The following TUFT1 variants were observed in gnomAD, a reference collection of about 807,000 sequenced individuals.
TUFT1 encodes the protein tuftelin 1.
In TUFT1, 43 loss-of-function variants were observed where a neutral mutation model predicts 57.8. The ratio of observed to expected loss-of-function variants is 0.74; its 90% confidence interval spans 0.58 to 0.96. The LOEUF (loss-of-function observed/expected upper bound fraction) is 0.96, where lower values mean the gene tolerates loss of function less well. Ranked by LOEUF, TUFT1 falls within the 40% of genes least tolerant of loss-of-function variation. The probability of loss-of-function intolerance (pLI) is 0.00; values close to 1 mark genes in which losing one functional copy is unlikely to be tolerated. For synonymous variants in TUFT1, 166 were observed against 176.7 expected, an observed-to-expected ratio of 0.94 and a Z score of 0.48; for missense variants, 459 against 489.0, an observed-to-expected ratio of 0.94 and a Z score of 0.58.
chr1:151,545,986 A>T (rs1665323331), intron 1 of TUFT1: 2 of 286,596 alleles, frequency 7.0e-6, no homozygotes, highest in Non-Finnish European at 7.5e-6. Context: ...CTTTCTTTCG[A>T]ATATTTGCAT....
chr1:151,546,244 T>G (rs1320784760), intron 1 of TUFT1, among the ~76,000 whole-genome samples: 1 of 152,168 alleles, frequency 6.6e-6, no homozygotes, highest in Non-Finnish European at 1.5e-5. Flanking sequence ...GACATTCCTT[T>G]AGGACCTCAG....
At chr1:151,581,173 C>A in intron 12 of TUFT1, 131 bp downstream of exon 12, 2 of 834,740 alleles carry the variant, frequency 2.4e-6, no homozygotes, top group Non-Finnish European at 3.7e-6. Context: ...TCAGTCTGAC[C>A]CACTGTTTGC....
chr1:151,569,194 C>G (rs1666172261), intron 6 of TUFT1, among the ~76,000 whole-genome samples: 2 of 152,116 alleles, frequency 1.3e-5, no homozygotes, highest in Admixed American at 1.3e-4. Flanking sequence ...GTGCCAAAAG[C>G]TGAGAATGGT....
intron 6 of TUFT1, 92 bp from the exon 7 acceptor site, chr1:151,569,565 G>C: frequency 1.9e-6 from 2 of 1,033,298 alleles, no homozygotes; most frequent in Non-Finnish European, 3.0e-6. Context: ...GGACGAGATG[G>C]TCCAAACCAG....
intron 7 of TUFT1, among the ~76,000 whole-genome samples, chr1:151,571,543 G>A (rs1666251745): frequency 6.6e-6 from 1 of 152,164 alleles, no homozygotes; most frequent in Non-Finnish European, 1.5e-5. Context: ...GCTGTGTGGT[G>A]AAGAGGTATG....
At chr1:151,552,521 T>C (rs1665543023) in intron 1 of TUFT1, among the ~76,000 whole-genome samples, 1 of 151,988 alleles carries the variant, frequency 6.6e-6, no homozygotes, top group African/African-American at 2.4e-5. Flanking sequence ...CTGCCCAACA[T>C]GGTGAAACCC....
At chr1:151,574,173 C>T (rs913545820) in intron 7 of TUFT1, 97 bp from the exon 8 acceptor site, 1 of 1,496,098 alleles carries the variant, frequency 6.7e-7, no homozygotes, top group African/African-American at 1.4e-5. Flanking sequence ...CGTCATGGCT[C>T]CAGAGCCGCC....
chr1:151,553,831 C>G (rs1405389423), intron 1 of TUFT1, among the ~76,000 whole-genome samples: 1 of 151,652 alleles, frequency 6.6e-6, no homozygotes, highest in African/African-American at 2.4e-5. Flanking sequence ...TTTTTTTTAT[C>G]CATTTCATGT....
chr1:151,568,999 G>A (rs907536521), intron 6 of TUFT1, among the ~76,000 whole-genome samples: 7 of 152,158 alleles, frequency 4.6e-5, no homozygotes, highest in Admixed American at 1.3e-4. Context: ...CAGCAGAGAC[G>A]GGGGTGAGAC....
At chr1:151,577,777 C>A (rs1666523720) in intron 9 of TUFT1, among the ~76,000 whole-genome samples, 1 of 152,138 alleles carries the variant, frequency 6.6e-6, no homozygotes, top group African/African-American at 2.4e-5. Context: ...AATCCTAGCA[C>A]TTTGGGAGGC....
intron 5 of TUFT1, chr1:151,565,928 C>A: frequency 2.3e-6 from 1 of 438,164 alleles, no homozygotes; most frequent in Non-Finnish European, 4.2e-6. Flanking sequence ...TCTATTTTCT[C>A]ATGGAACGCT....
At chr1:151,558,972 A>G (rs1665798832) in intron 1 of TUFT1, among the ~76,000 whole-genome samples, 1 of 151,900 alleles carries the variant, frequency 6.6e-6, no homozygotes, top group South Asian at 2.1e-4. Flanking sequence ...TTCAGTAGAG[A>G]CGGGGTTTCA....
chr1:151,564,355 A>C (rs889832108), intron 4 of TUFT1, among the ~76,000 whole-genome samples, 170 bp from the exon 5 acceptor site: 6 of 152,182 alleles, frequency 3.9e-5, no homozygotes, highest in Non-Finnish European at 8.8e-5. Context: ...CCCCAACAAG[A>C]ATGTCAGCTG....
intron 1 of TUFT1, among the ~76,000 whole-genome samples, chr1:151,542,126 C>T (rs1665186791): frequency 6.6e-6 from 1 of 152,158 alleles, no homozygotes. Flanking sequence ...AAAAGAGATC[C>T]GGAAAGAAGT....
intron 1 of TUFT1, among the ~76,000 whole-genome samples, chr1:151,558,141 T>C (rs1665773946): frequency 6.6e-6 from 1 of 152,130 alleles, no homozygotes; most frequent in South Asian, 2.1e-4. Context: ...TAAGCCATTC[T>C]TTTAGTGTAG....
intron 11 of TUFT1, 29 bp from the exon 12 acceptor site, chr1:151,580,913 C>A: frequency 6.2e-7 from 1 of 1,609,132 alleles, no homozygotes; most frequent in South Asian, 1.1e-5. Flanking sequence ...AGAAAAAGGC[C>A]AACTCTAACC....
At chr1:151,548,733 G>T (rs187818600) in intron 1 of TUFT1, among the ~76,000 whole-genome samples, 20 of 152,284 alleles carry the variant, frequency 1.3e-4, no homozygotes, top group Admixed American at 6.5e-4. Context: ...GGGTGAAGAT[G>T]AATTAAGGTT....
chr1:151,555,859 A>AT (rs1188081805), intron 1 of TUFT1, among the ~76,000 whole-genome samples: 1 of 151,484 alleles, frequency 6.6e-6, no homozygotes, highest in African/African-American at 2.4e-5. Flanking sequence ...CCTTTATTCC[A>AT]TTTTTTCCAG....
intron 1 of TUFT1, among the ~76,000 whole-genome samples, chr1:151,556,799 CT>C (rs1314265484): frequency 6.6e-6 from 1 of 152,078 alleles, no homozygotes; most frequent in East Asian, 1.9e-4. Context: ...GTGAAGCCCC[CT>C]CTATATTAAC....
Sources: gnomAD v4.1 joint callset for allele counts (sites outside exome capture counted in the v4.1 genomes callset) on GRCh38, gnomAD v4.1.1 for gene constraint, MANE v1.5 for transcripts, NCBI Gene and HGNC (gene_info 2026-07-23, HGNC 2026-07-21) for gene names.